Variants in CUL2 observed in about 807,000 individuals in gnomAD.
The protein encoded by CUL2 is cullin 2.
In CUL2, 22 loss-of-function variants were observed where a neutral mutation model predicts 110.2. The ratio of observed to expected loss-of-function variants is 0.20; its 90% CI spans 0.14 to 0.28. CUL2 has a LOEUF of 0.28. Among genes scored for constraint, CUL2 ranks in the 10% least tolerant of loss-of-function variants. The probability of loss-of-function intolerance (pLI) is 1.00; values close to 1 mark genes in which losing one functional copy is unlikely to be tolerated. For synonymous variants in CUL2, 279 were observed against 293.2 expected (o/e 0.95, Z 0.49); for missense variants, 631 against 905.5 (o/e 0.70, Z 3.89).
chr10:35,124,043 G>C (rs1226179258), intron 1 of CUL2, among the ~76,000 whole-genome samples: 4 of 152,196 alleles, frequency 2.6e-5, no homozygotes, highest in Non-Finnish European at 5.9e-5. Flanking sequence ...TGTTAAGAAA[G>C]TGGCAGGCTT....
chr10:35,095,098 T>G (rs576079923), upstream of CUL2, among the ~76,000 whole-genome samples: 2 of 152,174 alleles, frequency 1.3e-5, no homozygotes, highest in African/African-American at 4.8e-5. Context: ...GGTGGATCAC[T>G]TGAGGTAAGG....
intron 5 of CUL2, among the ~76,000 whole-genome samples, chr10:35,051,046 T>C (rs572501038): frequency 1.1e-4 from 17 of 152,356 alleles, no homozygotes; most frequent in Admixed American, 1.0e-3. Flanking sequence ...CCAGGCACAG[T>C]GGCTCACGCC....
chr10:35,030,075 A>G (rs1465883222), intron 14 of CUL2, among the ~76,000 whole-genome samples: 1 of 152,136 alleles, frequency 6.6e-6, no homozygotes, highest in Non-Finnish European at 1.5e-5. Flanking sequence ...ACAACTTCGA[A>G]CACCTGGGCT....
At chr10:35,070,611 C>G (rs2086652601) in intron 2 of CUL2, among the ~76,000 whole-genome samples, 1 of 152,130 alleles carries the variant, frequency 6.6e-6, no homozygotes, top group Non-Finnish European at 1.5e-5. Context: ...ATAAAACTCT[C>G]AATTCACACA....
chr10:35,101,861 T>C (rs1157021859), intron 1 of CUL2, among the ~76,000 whole-genome samples: 3 of 152,184 alleles, frequency 2.0e-5, no homozygotes, highest in African/African-American at 7.2e-5. Context: ...GGTTTCTAAT[T>C]AGAGGGAGTA....
At chr10:35,027,276 C>T (rs1023372684) in intron 16 of CUL2, among the ~76,000 whole-genome samples, 1 of 151,910 alleles carries the variant, frequency 6.6e-6, no homozygotes. Context: ...TCCAGAGTAG[C>T]TGGGACTACA....
At chr10:35,122,050 A>G (rs2087684302) in intron 1 of CUL2, among the ~76,000 whole-genome samples, 1 of 152,208 alleles carries the variant, frequency 6.6e-6, no homozygotes, top group Admixed American at 6.5e-5. Flanking sequence ...TTAACTCTCT[A>G]ATAGAATGAA....
intron 2 of CUL2, chr10:35,099,454 A>T (rs1404630622): frequency 1.3e-5 from 2 of 151,978 alleles, no homozygotes; most frequent in African/African-American, 4.8e-5. Context: ...TTTGCTCAAC[A>T]TCAGTGTTAG....
intron 1 of CUL2, among the ~76,000 whole-genome samples, chr10:35,083,140 G>A (rs2086981244): frequency 7.0e-6 from 1 of 143,056 alleles, no homozygotes; most frequent in African/African-American, 2.7e-5. Flanking sequence ...CTGCATGAGA[G>A]CAAGACTCCA....
intron 1 of CUL2, among the ~76,000 whole-genome samples, chr10:35,124,935 C>T (rs544816787): frequency 6.6e-6 from 1 of 152,112 alleles, no homozygotes; most frequent in South Asian, 2.1e-4. Flanking sequence ...GTTGTCCCTC[C>T]CCAACAGAGA....
chr10:35,044,143 T>C (rs1564717322), intron 8 of CUL2, among the ~76,000 whole-genome samples: 1 of 151,006 alleles, frequency 6.6e-6, no homozygotes. Flanking sequence ...CTCATCCAAA[T>C]GTCTAGAATT....
chr10:35,054,746 T>C (rs1403100625), intron 4 of CUL2, among the ~76,000 whole-genome samples: 1 of 152,186 alleles, frequency 6.6e-6, no homozygotes, highest in African/African-American at 2.4e-5. Context: ...GCCCTTACAA[T>C]ACCCTTCTAG....
intron 17 of CUL2, among the ~76,000 whole-genome samples, chr10:35,022,691 A>C (rs765294922): frequency 9.2e-5 from 14 of 152,188 alleles, no homozygotes; most frequent in Non-Finnish European, 1.8e-4. Flanking sequence ...AGGACCAGTA[A>C]GTTCTGGAGA....
Position 35,038,980 on chromosome 10 carries a change from C to T in CUL2, c.817G>A (p.Asp273Asn). 1 of 1,609,954 alleles carries T rather than the reference C, an allele frequency of 6.2e-7. No homozygotes were observed. Among genetic ancestry groups the T allele is most frequent in the Non-Finnish European group, 8.5e-7 (1 of 1,177,770 alleles). Residue 273 changes from aspartate to asparagine, a missense_variant, in exon 9 of 21, where the codon GAC becomes AAC. Asp to Asn is a conservative substitution (Grantham distance 23). Around this residue, in one of 3 missense-constraint regions of CUL2, gnomAD observed 338 missense variants for 442.5 expected, o/e 0.76. Coordinates refer to ENST00000374749, the MANE Select transcript of CUL2 (RefSeq NM_003591.4). ...TCTGCATGTAAAAACTGTAAGTGGT[C>T]TGCTACCATTCGTTGTTGACATTCA... ...IHECQQRMVA[D>N]HLQFLHAECH...
intron 4 of CUL2, among the ~76,000 whole-genome samples, chr10:35,056,948 A>G (rs1422952199): frequency 1.3e-5 from 2 of 152,082 alleles, no homozygotes; most frequent in Admixed American, 6.6e-5. Context: ...TTGACTTCCA[A>G]TCTACTTGCT....
At chr10:35,124,647 G>GCTA (rs1340210865) in intron 1 of CUL2, among the ~76,000 whole-genome samples, 1 of 152,150 alleles carries the variant, frequency 6.6e-6, no homozygotes, top group Non-Finnish European at 1.5e-5. Context: ...TCCTTATAGG[G>GCTA]CTAGCAGTGC....
At chr10:35,110,392 G>A (rs1484789055) in intron 1 of CUL2, among the ~76,000 whole-genome samples, 1 of 151,478 alleles carries the variant, frequency 6.6e-6, no homozygotes, top group Non-Finnish European at 1.5e-5. Flanking sequence ...GGTGAAACCT[G>A]TCTCTACCAA....
At chr10:35,075,888 C>G (rs1303763684) in intron 1 of CUL2, among the ~76,000 whole-genome samples, 4 of 152,042 alleles carry the variant, frequency 2.6e-5, no homozygotes, top group Admixed American at 6.6e-5. Context: ...TAAAACGCAG[C>G]TACCATATGA....
chr10:35,074,733 C>T (rs1227206985), intron 1 of CUL2, among the ~76,000 whole-genome samples: 3 of 152,278 alleles, frequency 2.0e-5, no homozygotes, highest in Non-Finnish European at 2.9e-5. Context: ...GTGATCCGCC[C>T]GCCTTGGCCT....
Sources: allele counts gnomAD v4.1 joint callset (sites outside exome capture counted in the v4.1 genomes callset), GRCh38; gene constraint gnomAD v4.1.1; regional missense constraint gnomAD v4.1.1; transcripts MANE v1.5; gene names NCBI Gene and HGNC (gene_info 2026-07-23, HGNC 2026-07-21).